Variants in TFRC observed in about 807,000 individuals in gnomAD.
TFRC encodes the protein transferrin receptor.
TFRC carries 35 observed loss-of-function variants against 85.8 expected under a neutral mutation model. The ratio of observed to expected loss-of-function variants is 0.41; its 90% CI spans 0.31 to 0.54. The LOEUF is 0.54. Among genes scored for constraint, TFRC ranks in the 20% least tolerant of loss-of-function variants. TFRC has a pLI of 0.31. For missense variants in TFRC, 828 were observed against 921.5 expected (o/e 0.90, Z 1.31); for synonymous variants, 362 against 328.6 (o/e 1.10, Z -1.10).
At chr3:196,054,719 T>C (rs1458566302) in intron 17 of TFRC, among the ~76,000 whole-genome samples, 2 of 152,210 alleles carry the variant, frequency 1.3e-5, no homozygotes, top group African/African-American at 4.8e-5. Context: ...CGAGATGGAA[T>C]CCTGCTAGCT....
At chr3:196,067,858 T>C (rs1355318741) in intron 8 of TFRC, among the ~76,000 whole-genome samples, 174 bp downstream of exon 8, 2 of 152,222 alleles carry the variant, frequency 1.3e-5, no homozygotes. Context: ...CAAAGTACTT[T>C]TAGCAACAAA....
At position 196,057,189 on chromosome 3, in the gene TFRC, C is replaced by T. The variant is rs186107336; in HGVS notation, c.1677+1095G>A. Among the ~76,000 whole-genome samples, 272 of 152,314 alleles carry T rather than the reference C, an allele frequency of 1.8e-3. 7 individuals carry two copies. The highest frequency in any genetic ancestry group is 0.017 in the Admixed American group (262 of 15,292). ...TAAAAGGCAGAGGTGGACAGCCCAG[C>T]GCTGCCGCACCCTGGTCCTGGTTAA... On this transcript the variant is annotated intron_variant, in intron 16 of 18. Transcript: ENST00000360110.
At chr3:196,074,325 A>G in intron 3 of TFRC, 200 bp from the exon 4 acceptor site, 1 of 439,828 alleles carries the variant, frequency 2.3e-6, no homozygotes. Flanking sequence ...TCAAATAGCT[A>G]CCTATTCAAA....
rs55639089 is a variant in TFRC at position 196,065,417 on chromosome 3, CGGGGGGGGG to C, written c.1198+17_1198+25del. On this transcript the variant is annotated intron_variant, in intron 10 of 18. Transcript: ENST00000360110. The stretch of plus-strand genomic sequence containing the variant: ...AAAAGAAAACAAAAAAAAAGCGGGG[CGGGGGGGGG>C]GGGGGGCGGTCTTTACCTGGTTCTA... The C allele has an allele frequency of 7.0e-5, 26 of 372,034 alleles. 2 individuals carry two copies. The highest frequency in any genetic ancestry group is 4.4e-4 in the Admixed American group (3 of 6,780). 23.0% of individuals were successfully genotyped at this position (372,034 alleles called of 1,614,324 possible).
intron 3 of TFRC, 113 bp downstream of exon 3, chr3:196,075,046 C>CAAAAAAAAAAAAAAAAAAAAA (rs56119775): frequency 2.2e-6 from 1 of 461,646 alleles, no homozygotes; most frequent in African/African-American, 3.4e-5. Context: ...CCTCTGTCTC[C>CAAAAAAAAAAAAAAAAAAAAA]AAAAAAAAAA....
Position 196,055,206 on chromosome 3 carries a change from T to C in TFRC, c.1773A>G (p.Ala591=), listed in dbSNP as rs1716672707. 3 of 1,614,128 alleles carry C rather than the reference T, an allele frequency of 1.9e-6. No individual in the cohort carries two copies. The highest frequency in any genetic ancestry group is 2.5e-6 in the Non-Finnish European group (3 of 1,180,048). The change falls in exon 17 of 19, where the codon GCA becomes GCG. Residue 591 remains alanine (A), a synonymous_variant. Transcript: ENST00000360110. ...TAATCACGAACTGACCAGCGACCTC[T>C]GCAGCTGCTCGTGCCACTTTGTTCA... The part of the protein sequence containing the change: ...PELNKVARAA[A]EVAGQFVIKL...
At chr3:196,074,518 T>C (rs1718491960) in intron 3 of TFRC, 2 of 160,738 alleles carry the variant, frequency 1.2e-5, no homozygotes, top group African/African-American at 4.8e-5. Context: ...TGGGTCTCTC[T>C]TTCCAACCAG....
chr3:196,075,979 A>G (rs1718659192), intron 2 of TFRC, among the ~76,000 whole-genome samples: 1 of 151,270 alleles, frequency 6.6e-6, no homozygotes, highest in African/African-American at 2.4e-5. Flanking sequence ...ATTCAAAAAA[A>G]AAAAAACCAC....
At chr3:196,077,621 G>A (rs1481515650) in intron 1 of TFRC, among the ~76,000 whole-genome samples, 1 of 152,044 alleles carries the variant, frequency 6.6e-6, no homozygotes, top group Non-Finnish European at 1.5e-5. Context: ...ACGTGGTGGT[G>A]GGCGCCTGTA....
chr3:196,059,598 T>A (rs985520530), intron 14 of TFRC, among the ~76,000 whole-genome samples: 92 of 148,768 alleles, frequency 6.2e-4, no homozygotes, highest in African/African-American at 2.2e-3. Context: ...ATATTTTCTT[T>A]TTTATTTATT....
At chr3:196,075,107 C>A in intron 3 of TFRC, 52 bp downstream of exon 3, 4 of 1,220,960 alleles carry the variant, frequency 3.3e-6, no homozygotes, top group Non-Finnish European at 4.8e-6. Context: ...ACATAACAGA[C>A]TTCCCAGAGT....
intron 1 of TFRC, among the ~76,000 whole-genome samples, chr3:196,080,166 C>A (rs1309427304): frequency 1.3e-5 from 2 of 152,320 alleles, no homozygotes; most frequent in South Asian, 2.1e-4. Context: ...TGCAGTAGCA[C>A]GATCTCAGCT....
chr3:196,073,047 A>AC (rs1553798508), intron 4 of TFRC, among the ~76,000 whole-genome samples: 4 of 110,494 alleles, frequency 3.6e-5, no homozygotes, highest in Non-Finnish European at 6.2e-5. Flanking sequence ...AAAAAAAAAA[A>AC]AAAAAAAAAA....
At chr3:196,076,498 G>A (rs1396458225) in intron 2 of TFRC, among the ~76,000 whole-genome samples, 1 of 149,344 alleles carries the variant, frequency 6.7e-6, no homozygotes, top group Admixed American at 6.7e-5. Context: ...TGCCCAGGCT[G>A]GAGTGCAATG....
chr3:196,068,555 G>A (rs1386317859), intron 7 of TFRC, among the ~76,000 whole-genome samples: 1 of 136,992 alleles, frequency 7.3e-6, no homozygotes, highest in Non-Finnish European at 1.5e-5. Flanking sequence ...AGGTTGCAGT[G>A]AGCCAAAATT....
chr3:196,060,091 T>C, intron 14 of TFRC, 89 bp downstream of exon 14: 1 of 1,000,400 alleles, frequency 1.0e-6, no homozygotes, highest in Non-Finnish European at 1.5e-6. Context: ...TTTTTGTTAC[T>C]GACTACGGTT....
rs1716511131 is a variant in TFRC at position 196,053,452 on chromosome 3, A to T, written c.2006T>A (p.Phe669Tyr). The change falls in exon 18 of 19, where the codon TTT becomes TAT. Residue 669 changes from phenylalanine to tyrosine, a missense_variant. Coordinates refer to ENST00000360110, the MANE Select transcript of TFRC (RefSeq NM_001128148.3). ...ACGATCATTGAGTTTCTTCATGACA[A>T]ATCTGTCTGTTTTCTCAGCATTCCC... ...DFGNAEKTDR[F>Y]VMKKLNDRVM... 6.2e-7 allele frequency: 1 copy of T among 1,614,154 alleles called. No homozygotes were observed. Among genetic ancestry groups the T allele is most frequent in the East Asian group, 2.2e-5 (1 of 44,884 alleles).
At chr3:196,071,772 C>T (rs556896280) in intron 5 of TFRC, among the ~76,000 whole-genome samples, 3 of 152,310 alleles carry the variant, frequency 2.0e-5, no homozygotes, top group Non-Finnish European at 4.4e-5. Flanking sequence ...GGCGTGGTGG[C>T]GTGCGCCTGT....
Position 196,069,582 on chromosome 3 carries a change from A to G in TFRC, c.688-14T>C, listed in dbSNP as rs1553797442. 7.0e-6 allele frequency: 10 copies of G among 1,438,390 alleles called. No individual in the cohort carries two copies. Among genetic ancestry groups the G allele is most frequent in the South Asian group, 2.3e-5 (2 of 86,812 alleles). 89.1% of individuals were successfully genotyped at this position (1,438,390 alleles called of 1,614,324 possible). ...GACCAGTTTACCCTAGAACAAAGAC[A>G]TTAGATTTAATGAGCATTATGGTAT... On this transcript the variant is annotated splice_polypyrimidine_tract_variant and intron_variant, in intron 6 of 18. Transcript: ENST00000360110.
Sources: gnomAD v4.1 joint callset for allele counts (sites outside exome capture counted in the v4.1 genomes callset) on GRCh38, gnomAD v4.1.1 for gene constraint, MANE v1.5 for transcripts, NCBI Gene and HGNC (gene_info 2026-07-23, HGNC 2026-07-21) for gene names.